The following AEBP2 variants were observed in gnomAD, a reference collection of about 807,000 sequenced individuals.
AEBP2 encodes AE binding protein 2.
A neutral mutation model predicts 50.8 loss-of-function variants in AEBP2; 10 were observed. That is an observed-to-expected ratio of 0.20 (90% CI 0.12 to 0.33). AEBP2 has a LOEUF of 0.33. AEBP2 is among the 10% of genes least tolerant of loss of function. AEBP2 has a pLI of 1.00. For synonymous variants in AEBP2, 296 were observed against 261.3 expected, an observed-to-expected ratio of 1.13 and a Z score of -1.28; for missense variants, 570 against 688.0, an observed-to-expected ratio of 0.83 and a Z score of 1.92.
At chr12:19,413,306 C>T (rs2095740470) in intron 1 of AEBP2, 1 of 1,312,644 alleles carries the variant, frequency 7.6e-7, no homozygotes, top group African/African-American at 1.4e-5. Context: ...AGAGAATTAC[C>T]TTATACAGAT....
chr12:19,445,065 G>C (rs1948035466), intron 1 of AEBP2, among the ~76,000 whole-genome samples: 2 of 151,992 alleles, frequency 1.3e-5, no homozygotes, highest in African/African-American at 4.8e-5. Flanking sequence ...TCTTGTCTAT[G>C]AAAGGGGGAC....
chr12:19,413,156 C>A (rs2095740386), intron 1 of AEBP2: 1 of 738,082 alleles, frequency 1.4e-6, no homozygotes, highest in Non-Finnish European at 2.5e-6. Flanking sequence ...CCGACAGGAT[C>A]CTGGCGATGC....
chr12:19,510,431 C>A (rs1239885647), intron 5 of AEBP2, among the ~76,000 whole-genome samples: 1 of 152,106 alleles, frequency 6.6e-6, no homozygotes. Context: ...TGGGCAGACA[C>A]GGCATATGCC....
rs113227110 is a variant in AEBP2 at position 19,512,479 on chromosome 12, A to G, written c.1367+14A>G. On this transcript the variant is annotated intron_variant, in intron 6 of 7. Transcript: ENST00000266508. Reference sequence around the variant, plus strand: ...GCCTGAAGACATGTAAGTATTTGAAATATTATGCCTTAGTAATAAGTTCAT... The same window carrying G: ...GCCTGAAGACATGTAAGTATTTGAAGTATTATGCCTTAGTAATAAGTTCAT... 817 of 1,493,786 alleles carry G rather than the reference A, an allele frequency of 5.5e-4. 5 individuals carry two copies. In the African/African-American group the frequency reaches 9.7e-3, roughly 18 times the overall value. 92.5% of individuals were successfully genotyped at this position (1,493,786 alleles called of 1,614,324 possible).
rs539764708 is a variant in AEBP2, at chr12:19,486,499, C to A, written c.988-7301C>A. ...CTCAATCTCCCTGGCTCAGGTGTTA[C>A]TCATACTACAGTCTCCCAAGTAGCT... On this transcript the variant is annotated intron_variant, in intron 3 of 7. Transcript: ENST00000266508. Among the ~76,000 whole-genome samples, 5 of 152,140 alleles carry A rather than the reference C, an allele frequency of 3.3e-5. No homozygotes were observed. In the East Asian group the frequency reaches 9.7e-4, roughly 30 times the overall value.
intron 3 of AEBP2, among the ~76,000 whole-genome samples, chr12:19,483,460 G>A (rs977160484): frequency 6.6e-6 from 1 of 152,064 alleles, no homozygotes; most frequent in African/African-American, 2.4e-5. Context: ...TTGCAGCAGT[G>A]TACCGCTTCT....
In AEBP2 at chr12:19,449,554, A is replaced by G. The variant is rs1447725784; in HGVS notation, c.671+9184A>G. 3.9e-5 allele frequency among the ~76,000 whole-genome samples: 6 copies of G among 152,218 alleles called. No homozygotes were observed. The South Asian group carries it at 6.2e-4, about 16-fold the overall frequency. ...AGACTATATTTCATCATTGTTGCATAAAGTCCCTTTTGGCCAATTTAGTGA... is the reference window on the plus strand; with the variant it reads ...AGACTATATTTCATCATTGTTGCATGAAGTCCCTTTTGGCCAATTTAGTGA... On this transcript the variant is annotated intron_variant, in intron 1 of 7. Coordinates refer to ENST00000266508, the MANE Select transcript of AEBP2 (RefSeq NM_153207.5).
intron 3 of AEBP2, among the ~76,000 whole-genome samples, chr12:19,492,397 G>C (rs533158179): frequency 1.3e-5 from 2 of 152,204 alleles, no homozygotes; most frequent in South Asian, 4.1e-4. Flanking sequence ...ACATCTGTCA[G>C]GTGACTCGGG....
intron 1 of AEBP2, among the ~76,000 whole-genome samples, chr12:19,449,390 A>G (rs1370522101): frequency 1.3e-5 from 2 of 152,180 alleles, no homozygotes; most frequent in Admixed American, 6.6e-5. Flanking sequence ...GAAGATATCA[A>G]TTGCTGGCTG....
intron 1 of AEBP2, among the ~76,000 whole-genome samples, chr12:19,434,173 T>C (rs2095753035): frequency 6.7e-6 from 1 of 149,326 alleles, no homozygotes; most frequent in South Asian, 2.1e-4. Context: ...GTTAGATTAG[T>C]AATTTTTTTT....
intron 4 of AEBP2, among the ~76,000 whole-genome samples, chr12:19,498,443 T>G (rs1278626041): frequency 6.6e-6 from 1 of 152,230 alleles, no homozygotes; most frequent in African/African-American, 2.4e-5. Context: ...CCTGTTTGTT[T>G]AGGTATGTTC....
intron 2 of AEBP2, among the ~76,000 whole-genome samples, chr12:19,465,698 T>C (rs950569336): frequency 2.0e-5 from 3 of 151,996 alleles, no homozygotes; most frequent in East Asian, 3.9e-4. Flanking sequence ...TGATAAAATA[T>C]GAATGAGAGT....
At chr12:19,433,492 C>T (rs1332644613) in intron 1 of AEBP2, among the ~76,000 whole-genome samples, 3 of 151,888 alleles carry the variant, frequency 2.0e-5, no homozygotes, top group African/African-American at 7.2e-5. Context: ...AAAGTATAAA[C>T]TCTAAGGCCA....
chr12:19,468,683 A>G (rs567072108), intron 2 of AEBP2, among the ~76,000 whole-genome samples: 2 of 152,314 alleles, frequency 1.3e-5, no homozygotes, highest in East Asian at 3.9e-4. Flanking sequence ...TGGTTCATAC[A>G]CTGGTTCAAG....
chr12:19,517,162 T>C (rs572598563), intron 7 of AEBP2, among the ~76,000 whole-genome samples: 14 of 152,358 alleles, frequency 9.2e-5, no homozygotes, highest in African/African-American at 3.1e-4. Context: ...TAGTGTACAA[T>C]CTTTTCTTAA....
At chr12:19,510,109 G>C (rs932421056) in intron 5 of AEBP2, among the ~76,000 whole-genome samples, 11 of 152,102 alleles carry the variant, frequency 7.2e-5, no homozygotes, top group African/African-American at 1.9e-4. Context: ...TAGTGTGTGT[G>C]TAAACCCAAT....
chr12:19,494,089 A>G, intron 4 of AEBP2, 103 bp downstream of exon 4: 1 of 1,267,072 alleles, frequency 7.9e-7, no homozygotes, highest in Admixed American at 2.7e-5. Context: ...TTCTATTAAA[A>G]GTAACAAACA....
intron 7 of AEBP2, among the ~76,000 whole-genome samples, chr12:19,516,708 AT>A (rs1949323733): frequency 6.6e-6 from 1 of 152,074 alleles, no homozygotes; most frequent in Non-Finnish European, 1.5e-5. Flanking sequence ...GCTTCTGTAG[AT>A]TTAATTTTCC....
At chr12:19,432,550 C>G (rs2095751975) in intron 1 of AEBP2, among the ~76,000 whole-genome samples, 1 of 151,722 alleles carries the variant, frequency 6.6e-6, no homozygotes, top group African/African-American at 2.4e-5. Context: ...AAAAATTAGC[C>G]CGGCATGATG....
Sources: gnomAD v4.1 joint callset for allele counts (sites outside exome capture counted in the v4.1 genomes callset) on GRCh38, gnomAD v4.1.1 for gene constraint, MANE v1.5 for transcripts, NCBI Gene and HGNC (gene_info 2026-07-23, HGNC 2026-07-21) for gene names.